The following TLK2 variants were observed in gnomAD, a reference collection of about 807,000 sequenced individuals.
The protein encoded by TLK2 is serine/threonine-protein kinase tousled-like 2.
Under a neutral mutation model 117.3 loss-of-function variants are expected in TLK2, and 6 were observed. That is an observed-to-expected ratio of 0.05 (90% CI 0.03 to 0.10). TLK2 has a LOEUF of 0.10. Among genes scored for constraint, TLK2 ranks in the 10% least tolerant of loss-of-function variants. TLK2 has a pLI of 1.00. For synonymous variants in TLK2, 257 were observed against 316.7 expected (o/e 0.81, Z 2.00); for missense variants, 299 against 901.2 (o/e 0.33, Z 8.56).
intron 21 of TLK2, among the ~76,000 whole-genome samples, chr17:62,611,547 C>T (rs1422899513): frequency 1.3e-5 from 2 of 152,198 alleles, no homozygotes; most frequent in Admixed American, 6.5e-5. Context: ...GCAGTCCATT[C>T]GAGAGAGCCA....
At position 62,560,119 on chromosome 17, in the gene TLK2, T is replaced by C; in HGVS notation, c.824T>C (p.Ile275Thr). Residue 275 changes from isoleucine to threonine, a missense_variant, in exon 10 of 22, where the codon ATA becomes ACA. Coordinates refer to ENST00000346027, the MANE Select transcript of TLK2 (RefSeq NM_006852.6). ...RCVTMSKKLL[I>T]EKSKQEKMAC... ...GTGACAATGAGCAAGAAACTCCTTA[T>C]AGAAAAGGTTAGTGAATAATGTTGG... The C allele has an allele frequency of 1.2e-6, 2 of 1,604,562 alleles. No individual in the cohort carries two copies. The highest frequency in any genetic ancestry group is 1.7e-6 in the Non-Finnish European group (2 of 1,174,952).
At position 62,614,681 on chromosome 17, in the gene TLK2, C is replaced by G. The variant is rs2084008078; in HGVS notation, c.*2116C>G. ...TCAACCCCAGAGGCCTTGGTACCCC[C>G]AGCTTTCTAAAACTACTTTATTACA... On this transcript the variant is annotated 3_prime_UTR_variant, in exon 22 of 22. Transcript: ENST00000346027. 1.3e-5 allele frequency: 2 copies of G among 152,200 alleles called. No homozygotes were observed. Among genetic ancestry groups the G allele is most frequent in the African/African-American group, 4.8e-5 (2 of 41,436 alleles). The allele number at this position is 152,200 out of a possible 1,614,324, so 9.4% of individuals were successfully genotyped here. A position where few individuals can be genotyped will look rare whatever the true frequency, so the allele number is the denominator to read the frequency against.
Position 62,596,621 on chromosome 17 carries a change from G to C in TLK2, c.1497G>C (p.Leu499=). 1 of 1,614,138 alleles carries C rather than the reference G, an allele frequency of 6.2e-7. No homozygotes were observed. Among genetic ancestry groups the C allele is most frequent in the Non-Finnish European group, 8.5e-7 (1 of 1,180,014 alleles). The part of the protein sequence containing the change: ...ACREYRIHKE[L]DHPRIVKLYD... ...GGGAATACCGGATTCATAAAGAGCT[G>C]GATCATCCCAGAATAGTTAAGCTGT... The change falls in exon 17 of 22, where the codon CTG becomes CTC. Residue 499 remains leucine, a synonymous_variant. Transcript: ENST00000346027.
intron 2 of TLK2, among the ~76,000 whole-genome samples, chr17:62,498,204 G>C (rs370011236): frequency 6.6e-6 from 1 of 152,016 alleles, no homozygotes; most frequent in South Asian, 2.1e-4. Flanking sequence ...TTCATTCACC[G>C]TAACAGATTC....
Position 62,600,763 on chromosome 17 carries a change from G to T in TLK2, c.1663G>T (p.Ala555Ser). The change falls in exon 18 of 22, where the codon GCT becomes TCT. Residue 555 changes from alanine to serine, a missense_variant. By Grantham distance (99) the Ala-to-Ser change is moderately conservative (BLOSUM62 1). Transcript: ENST00000346027. ...ARSIIMQIVNALKYLNEIKPP... is the reference protein window; with the variant it reads ...ARSIIMQIVNSLKYLNEIKPP... ...GTCCATTATCATGCAGATTGTGAAT[G>T]CTTTAAAGTACTTAAATGAAATAAA... 6.2e-7 allele frequency: 1 copy of T among 1,613,610 alleles called. No homozygotes were observed. Among genetic ancestry groups the T allele is most frequent in the South Asian group, 1.1e-5 (1 of 90,952 alleles).
chr17:62,532,798 A>G (rs2076832943), intron 6 of TLK2, among the ~76,000 whole-genome samples: 1 of 152,164 alleles, frequency 6.6e-6, no homozygotes, highest in Non-Finnish European at 1.5e-5. Flanking sequence ...GAACATCCTT[A>G]TACATACTTA....
intron 21 of TLK2, among the ~76,000 whole-genome samples, chr17:62,611,780 A>G (rs1186361714): frequency 6.6e-6 from 1 of 152,246 alleles, no homozygotes; most frequent in Non-Finnish European, 1.5e-5. Context: ...AACTAAAACT[A>G]CATAGCCTCC....
chr17:62,606,586 G>T (rs1421290773), intron 20 of TLK2, among the ~76,000 whole-genome samples: 1 of 152,080 alleles, frequency 6.6e-6, no homozygotes, highest in Non-Finnish European at 1.5e-5. Flanking sequence ...AGAACCTGGG[G>T]GCCCCAAGAA....
chr17:62,614,933 A>G lies in TLK2; in HGVS notation c.*2368A>G, dbSNP rs1215371854. On this transcript the variant is annotated 3_prime_UTR_variant, in exon 22 of 22. Coordinates refer to ENST00000346027, the MANE Select transcript of TLK2 (RefSeq NM_006852.6). ...TCTATTCCTTTTTTCTTCCTCTCCA[A>G]TGATCTTGCAGTTGATTTGTTTGTT... The G allele has an allele frequency of 6.6e-6, 1 of 152,138 alleles. No homozygotes were observed. The highest frequency in any genetic ancestry group is 1.5e-5 in the Non-Finnish European group (1 of 68,026). The allele number at this position is 152,138 out of a possible 1,614,324, so 9.4% of individuals were successfully genotyped here. A position where few individuals can be genotyped will look rare whatever the true frequency, so the allele number is the denominator to read the frequency against.
At chr17:62,478,261 C>T (rs2071154059), upstream of TLK2, among the ~76,000 whole-genome samples, 1 of 151,194 alleles carries the variant, frequency 6.6e-6, no homozygotes, top group Non-Finnish European at 1.5e-5. Context: ...TTAGCGTCCT[C>T]TAAACTCCAT....
intron 2 of TLK2, chr17:62,507,556 A>G (rs2074804327): frequency 6.6e-6 from 1 of 152,156 alleles, no homozygotes; most frequent in Non-Finnish European, 1.5e-5. Context: ...GTTGGCAGCT[A>G]TGCTTCTTTA....
chr17:62,540,872 T>C (rs2077478916), intron 7 of TLK2, among the ~76,000 whole-genome samples: 2 of 152,198 alleles, frequency 1.3e-5, no homozygotes, highest in Admixed American at 6.5e-5. Context: ...GCCACTCCCC[T>C]GTCGAAAAGT....
intron 7 of TLK2, among the ~76,000 whole-genome samples, chr17:62,549,033 C>G (rs1443527741): frequency 6.6e-6 from 1 of 151,002 alleles, no homozygotes. Flanking sequence ...GCCACTGCAC[C>G]CAGTCTAATC....
In TLK2 at chr17:62,615,040, T is replaced by C. The variant is rs569123455; in HGVS notation, c.*2475T>C. ...CTTCCCAGTAACTTCCTGCCTTTTT[T>C]TTCCCCGTGGGCTTTTAAGTGAAGC... On this transcript the variant is annotated 3_prime_UTR_variant, in exon 22 of 22. Transcript: ENST00000346027. The C allele has an allele frequency of 4.0e-4, 61 of 152,366 alleles. No homozygotes were observed. The highest frequency in any genetic ancestry group is 1.5e-3 in the African/African-American group (61 of 41,588). 9.4% of individuals were successfully genotyped at this position (152,366 alleles called of 1,614,324 possible). A position where few individuals can be genotyped will look rare whatever the true frequency, so the allele number is the denominator to read the frequency against.
rs560461618 is a variant in TLK2 at position 62,530,606 on chromosome 17, A to G, written c.364-5564A>G. Among the ~76,000 whole-genome samples, 6 of 152,318 alleles carry G rather than the reference A, an allele frequency of 3.9e-5. 1 individual carries two copies. In the South Asian group the frequency reaches 1.2e-3, roughly 32 times the overall value. On this transcript the variant is annotated intron_variant, in intron 6 of 21. Transcript: ENST00000346027. ...GCTACTGATTTGGTGGTAGTGGTGT[A>G]TGTTTTTATTTTGCCTTTTTTTGGT...
intron 2 of TLK2, among the ~76,000 whole-genome samples, chr17:62,515,285 G>A (rs2075488531): frequency 6.6e-6 from 1 of 152,212 alleles, no homozygotes; most frequent in Non-Finnish European, 1.5e-5. Context: ...ATACTGCCGT[G>A]AACATGGTTG....
At chr17:62,605,253 GGAGGCAGAGGTTGCAGT>G (rs1467778878) in intron 19 of TLK2, among the ~76,000 whole-genome samples, 2 of 152,258 alleles carry the variant, frequency 1.3e-5, no homozygotes, top group East Asian at 3.9e-4. Context: ...CTTGAACCTG[GGAGGCAGAGGTTGCAGT>G]GAGCCGAGAT....
chr17:62,602,200 G>A lies in TLK2; in HGVS notation c.1859+20G>A. The stretch of plus-strand genomic sequence containing the variant: ...TTATTGGTAGGTATCCAGGAGCTCT[G>A]CCAGGTTGGCTATAGAGATGTGGCT... On this transcript the variant is annotated intron_variant, in intron 19 of 21. Coordinates refer to ENST00000346027, the MANE Select transcript of TLK2 (RefSeq NM_006852.6). 6.2e-7 allele frequency: 1 copy of A among 1,611,240 alleles called. No individual in the cohort carries two copies. The highest frequency in any genetic ancestry group is 8.5e-7 in the Non-Finnish European group (1 of 1,178,676).
chr17:62,528,179 C>G (rs1195484863), intron 6 of TLK2, among the ~76,000 whole-genome samples: 1 of 152,132 alleles, frequency 6.6e-6, no homozygotes, highest in Non-Finnish European at 1.5e-5. Flanking sequence ...TTTTCAGTCT[C>G]CAGCATCCAA....
Sources: gnomAD v4.1 joint callset for allele counts (sites outside exome capture counted in the v4.1 genomes callset) on GRCh38, gnomAD v4.1.1 for gene constraint, MANE v1.5 for transcripts, NCBI Gene and HGNC (gene_info 2026-07-23, HGNC 2026-07-21) for gene names.